The following PTGFR variants were observed in gnomAD, a reference collection of about 807,000 sequenced individuals.
The protein encoded by PTGFR is prostaglandin F receptor.
Under a neutral mutation model 26.2 loss-of-function variants are expected in PTGFR, and 15 were observed. The observed-to-expected ratio is 0.57, with a 90% confidence interval of 0.38 to 0.88. PTGFR has a LOEUF of 0.88. Ranked by LOEUF, PTGFR falls within the 40% of genes least tolerant of loss-of-function variation. PTGFR has a pLI of 0.00. For synonymous variants in PTGFR, 165 were observed against 151.1 expected (o/e 1.09, Z -0.68); for missense variants, 369 against 427.2 (o/e 0.86, Z 1.20).
chr1:78,526,320 T>C (rs2100392455), intron 2 of PTGFR, among the ~76,000 whole-genome samples: 1 of 152,220 alleles, frequency 6.6e-6, no homozygotes, highest in East Asian at 1.9e-4. Context: ...TTTGATGCAT[T>C]TCTAGAGATA....
intron 2 of PTGFR, among the ~76,000 whole-genome samples, chr1:78,532,936 T>C (rs989248659): frequency 3.3e-5 from 5 of 152,130 alleles, no homozygotes; most frequent in Admixed American, 6.6e-5. Flanking sequence ...CTCGGATCAA[T>C]CCACAAGGAA....
In PTGFR at chr1:78,523,107, C is replaced by T. The variant is rs1321528546; in HGVS notation, c.799-13299C>T. Among the ~76,000 whole-genome samples, 5 of 152,010 alleles carry T rather than the reference C, an allele frequency of 3.3e-5. No individual in the cohort carries two copies. The South Asian group carries it at 6.2e-4, about 19-fold the overall frequency. On this transcript the variant is annotated intron_variant, in intron 2 of 2. Coordinates refer to ENST00000370757, the MANE Select transcript of PTGFR (RefSeq NM_000959.4). Reference sequence around the variant, plus strand: ...TCATTGTGTAGGTGTACTATAATCTCTTTTTACAAATCCCTGCTTGTTGGA... The same window carrying T: ...TCATTGTGTAGGTGTACTATAATCTTTTTTTACAAATCCCTGCTTGTTGGA...
rs879888387 is a variant in PTGFR at position 78,497,178 on chromosome 1, G to A, written c.798+3637G>A. ...CTAGTAATTGAAATGTAGAAATGTA[G>A]TACAAACATAACATTTGTTTAAAAT... On this transcript the variant is annotated intron_variant, in intron 2 of 2. Coordinates refer to ENST00000370757, the MANE Select transcript of PTGFR (RefSeq NM_000959.4). Among the ~76,000 whole-genome samples, 7 of 152,146 alleles carry A rather than the reference G, an allele frequency of 4.6e-5. No individual in the cohort carries two copies. In the East Asian group the frequency reaches 7.7e-4, roughly 17 times the overall value.
intron 2 of PTGFR, among the ~76,000 whole-genome samples, chr1:78,493,837 A>G (rs1031328421): frequency 4.6e-5 from 7 of 152,248 alleles, no homozygotes; most frequent in Non-Finnish European, 1.0e-4. Context: ...GATTATTTCT[A>G]AAATGTGAAC....
At chr1:78,509,339 C>T (rs1649904163) in intron 2 of PTGFR, among the ~76,000 whole-genome samples, 1 of 152,160 alleles carries the variant, frequency 6.6e-6, no homozygotes, top group Non-Finnish European at 1.5e-5. Flanking sequence ...TGGAATTGCT[C>T]AACACCTGTG....
At chr1:78,519,188 GA>G (rs1006887868) in intron 2 of PTGFR, among the ~76,000 whole-genome samples, 2 of 152,072 alleles carry the variant, frequency 1.3e-5, no homozygotes, top group Admixed American at 6.6e-5. Context: ...TCTGAGAGTG[GA>G]AAGCTTATCT....
At chr1:78,511,369 T>C (rs1432744672) in intron 2 of PTGFR, among the ~76,000 whole-genome samples, 6 of 152,218 alleles carry the variant, frequency 3.9e-5, no homozygotes, top group African/African-American at 4.8e-5. Flanking sequence ...CTGCATTCTG[T>C]GCACCTATAG....
intron 2 of PTGFR, among the ~76,000 whole-genome samples, chr1:78,531,951 G>T (rs1557659242): frequency 1.3e-5 from 2 of 152,012 alleles, no homozygotes; most frequent in African/African-American, 4.8e-5. Context: ...TATTAAAGGA[G>T]TGGTGTCACA....
chr1:78,530,839 A>C (rs1296675489), intron 2 of PTGFR, among the ~76,000 whole-genome samples: 2 of 152,192 alleles, frequency 1.3e-5, no homozygotes, highest in Non-Finnish European at 2.9e-5. Flanking sequence ...ACTTGGGCTG[A>C]AATTTTGCCT....
chr1:78,528,955 C>T (rs1278017301), intron 2 of PTGFR, among the ~76,000 whole-genome samples: 2 of 152,090 alleles, frequency 1.3e-5, no homozygotes, highest in African/African-American at 2.4e-5. Flanking sequence ...GGCTGAGGCA[C>T]AGCGAACCAA....
chr1:78,502,131 A>G (rs1047752644), intron 2 of PTGFR, among the ~76,000 whole-genome samples: 4 of 152,224 alleles, frequency 2.6e-5, no homozygotes, highest in African/African-American at 9.6e-5. Context: ...TTACTTCACT[A>G]TCTCATCAGA....
chr1:78,497,790 A>C, intron 2 of PTGFR: 1 of 914,226 alleles, frequency 1.1e-6, no homozygotes, highest in Non-Finnish European at 1.7e-6. Flanking sequence ...CTGTTCCCTA[A>C]TCACCAACGG....
chr1:78,511,503 C>G lies in PTGFR; in HGVS notation c.798+17962C>G, dbSNP rs537808893. Among the ~76,000 whole-genome samples the G allele has an allele frequency of 7.1e-4, 108 of 152,114 alleles. 1 individual carries two copies. The highest frequency in any genetic ancestry group is 1.4e-3 in the Non-Finnish European group (94 of 68,012). ...GAAACAGCCTGAACATGGGGAGTAG[C>G]GTTGTGAGGCTGCACATGGCAGTGA... On this transcript the variant is annotated intron_variant, in intron 2 of 2. Coordinates refer to ENST00000370757, the MANE Select transcript of PTGFR (RefSeq NM_000959.4).
At position 78,539,141 on chromosome 1, in the gene PTGFR, G is replaced by T. The variant is rs1042071992; in HGVS notation, c.*2454G>T. ...TTACTGATGGGTTAACTAGGTGAAA[G>T]AAATGGGCCCTTATTTTTTTTTTTC... On this transcript the variant is annotated 3_prime_UTR_variant, in exon 3 of 3. Transcript: ENST00000370757. 2.0e-5 allele frequency: 3 copies of T among 151,476 alleles called. No individual in the cohort carries two copies. Among genetic ancestry groups the T allele is most frequent in the African/African-American group, 2.4e-5 (1 of 41,274 alleles). 9.4% of individuals were successfully genotyped at this position (151,476 alleles called of 1,614,324 possible). A position where few individuals can be genotyped will look rare whatever the true frequency, so the allele number is the denominator to read the frequency against.
At chr1:78,531,184 G>A (rs1265265542) in intron 2 of PTGFR, among the ~76,000 whole-genome samples, 1 of 152,074 alleles carries the variant, frequency 6.6e-6, no homozygotes, top group Non-Finnish European at 1.5e-5. Flanking sequence ...AAGTTGAATC[G>A]AACTAATTGA....
chr1:78,500,848 A>T (rs566156857), intron 2 of PTGFR, among the ~76,000 whole-genome samples: 1 of 152,350 alleles, frequency 6.6e-6, no homozygotes, highest in South Asian at 2.1e-4. Context: ...ATCTCCCTCC[A>T]TAAAAGTGTA....
chr1:78,499,094 C>A (rs967067682), intron 2 of PTGFR, among the ~76,000 whole-genome samples: 1 of 152,164 alleles, frequency 6.6e-6, no homozygotes, highest in Non-Finnish European at 1.5e-5. Context: ...GAATGACCAA[C>A]CATAGCTAGC....
At chr1:78,517,864 G>T (rs1035769924) in intron 2 of PTGFR, among the ~76,000 whole-genome samples, 4 of 152,150 alleles carry the variant, frequency 2.6e-5, no homozygotes, top group Non-Finnish European at 2.9e-5. Flanking sequence ...ACAGAATATA[G>T]CAGAAAGTTT....
At chr1:78,532,396 A>ATG (rs1224003368) in intron 2 of PTGFR, 1 of 128,902 alleles carries the variant, frequency 7.8e-6, no homozygotes, top group Non-Finnish European at 1.6e-5. Context: ...ATATATATAT[A>ATG]TGTATATATG....
Sources: gnomAD v4.1 joint callset for allele counts (sites outside exome capture counted in the v4.1 genomes callset) on GRCh38, gnomAD v4.1.1 for gene constraint, MANE v1.5 for transcripts, NCBI Gene and HGNC (gene_info 2026-07-23, HGNC 2026-07-21) for gene names.